Variants in OSBPL9 observed in about 807,000 individuals in gnomAD.
The protein encoded by OSBPL9 is oxysterol binding protein like 9, also known as oxysterol-binding protein-related protein 9.
In OSBPL9, 40 loss-of-function variants were observed where a neutral mutation model predicts 106.6. The observed-to-expected ratio is 0.38, with a 90% CI of 0.29 to 0.49. The LOEUF (loss-of-function observed/expected upper bound fraction) is 0.49. OSBPL9 is among the 20% of genes least tolerant of loss of function. The probability of loss-of-function intolerance (pLI) is 0.97; values close to 1 mark genes in which losing one functional copy is unlikely to be tolerated. For synonymous variants in OSBPL9, 269 were observed against 295.4 expected, an observed-to-expected ratio of 0.91 and a Z score of 0.92; for missense variants, 609 against 887.2, an observed-to-expected ratio of 0.69 and a Z score of 3.98.
At chr1:51,734,753 G>A (rs1665264853) in intron 4 of OSBPL9, among the ~76,000 whole-genome samples, 2 of 152,180 alleles carry the variant, frequency 1.3e-5, no homozygotes, top group South Asian at 2.1e-4. Context: ...CCAGAGCCTA[G>A]ATGACTCTTG....
intron 3 of OSBPL9, among the ~76,000 whole-genome samples, chr1:51,681,165 G>A (rs1652469916): frequency 1.3e-5 from 2 of 152,054 alleles, no homozygotes; most frequent in Admixed American, 1.3e-4. Context: ...TGCTTGGTAG[G>A]TATTAGTGTG....
intron 2 of OSBPL9, among the ~76,000 whole-genome samples, chr1:51,601,690 G>T (rs1645325717): frequency 1.3e-5 from 2 of 152,218 alleles, no homozygotes; most frequent in Non-Finnish European, 2.9e-5. Flanking sequence ...AAGGTTTCAT[G>T]TCAGTAAGCT....
the OSBPL9 span, among the ~76,000 whole-genome samples, chr1:51,566,850 T>C: frequency 6.6e-6 from 1 of 152,170 alleles, no homozygotes; most frequent in African/African-American, 2.4e-5. Context: ...ATGATTTGTC[T>C]GTTGTGTCTG....
chr1:51,685,501 G>A (rs1653582959), intron 3 of OSBPL9, among the ~76,000 whole-genome samples: 1 of 152,026 alleles, frequency 6.6e-6, no homozygotes, highest in Non-Finnish European at 1.5e-5. Context: ...TCCACCTCCA[G>A]GGTTCAAGCG....
the OSBPL9 span, among the ~76,000 whole-genome samples, chr1:51,544,628 T>A: frequency 2.0e-5 from 3 of 151,984 alleles, no homozygotes; most frequent in African/African-American, 7.3e-5. Context: ...GGAAAAAAAT[T>A]ATGTATAAAT....
chr1:51,581,797 G>A (rs1294204878), intron 1 of OSBPL9, among the ~76,000 whole-genome samples: 4 of 152,086 alleles, frequency 2.6e-5, no homozygotes, highest in Admixed American at 2.6e-4. Flanking sequence ...CTGGGCATGT[G>A]CCACCACAAC....
chr1:51,728,790 G>A (rs749227736), intron 4 of OSBPL9, among the ~76,000 whole-genome samples: 1 of 152,132 alleles, frequency 6.6e-6, no homozygotes, highest in Non-Finnish European at 1.5e-5. Context: ...CTCCCAAAGT[G>A]CTGGGATTTC....
At chr1:51,528,546 G>A in the OSBPL9 span, among the ~76,000 whole-genome samples, 99 of 149,542 alleles carry the variant, frequency 6.6e-4, no homozygotes, top group African/African-American at 2.4e-3. Flanking sequence ...TCTGTCTCGG[G>A]GAAAAAAAAA....
the OSBPL9 span, among the ~76,000 whole-genome samples, chr1:51,532,359 A>G: frequency 2.0e-5 from 3 of 152,294 alleles, no homozygotes; most frequent in African/African-American, 7.2e-5. Context: ...GATACAAGCA[A>G]GAGAGGGAAT....
chr1:51,567,170 T>C, the OSBPL9 span: 2 of 152,242 alleles, frequency 1.3e-5, no homozygotes, highest in African/African-American at 4.8e-5. Flanking sequence ...AGGAGAACTC[T>C]TACCTAAGAA....
At chr1:51,720,264 A>G (rs959613168) in intron 4 of OSBPL9, among the ~76,000 whole-genome samples, 2 of 152,106 alleles carry the variant, frequency 1.3e-5, no homozygotes, top group African/African-American at 4.8e-5. Flanking sequence ...TTTAGATTCA[A>G]GTTTGAAGAT....
chr1:51,595,927 A>C (rs1645296970), intron 1 of OSBPL9, among the ~76,000 whole-genome samples: 1 of 152,084 alleles, frequency 6.6e-6, no homozygotes, highest in African/African-American at 2.4e-5. Flanking sequence ...CAGTGCCTTC[A>C]CTACACTTTC....
At chr1:51,736,869 CA>C (rs906777333) in intron 4 of OSBPL9, among the ~76,000 whole-genome samples, 8 of 152,086 alleles carry the variant, frequency 5.3e-5, no homozygotes, top group Non-Finnish European at 1.0e-4. Flanking sequence ...AAAGATACTG[CA>C]AGTAGCCTAA....
chr1:51,582,218 A>G (rs1290108065), intron 1 of OSBPL9, among the ~76,000 whole-genome samples: 1 of 152,200 alleles, frequency 6.6e-6, no homozygotes, highest in Non-Finnish European at 1.5e-5. Context: ...TGATGTATTA[A>G]TTCCAAAGTC....
intron 3 of OSBPL9, among the ~76,000 whole-genome samples, chr1:51,693,389 AAGAG>A (rs899924852): frequency 2.7e-4 from 41 of 151,600 alleles, no homozygotes; most frequent in African/African-American, 2.7e-4. Flanking sequence ...AAAAAAAAAA[AAGAG>A]AGAGAGAGAG....
chr1:51,785,884 G>A lies in OSBPL9; in HGVS notation c.1906G>A (p.Gly636Arg), dbSNP rs1355251468. The A allele has an allele frequency of 6.2e-7, 1 of 1,609,944 alleles. No individual in the cohort carries two copies. Among genetic ancestry groups the A allele is most frequent in the East Asian group, 2.2e-5 (1 of 44,798 alleles). The change falls in exon 21 of 24, where the codon GGG (glycine) becomes AGG (arginine). Residue 636 changes from glycine (G) to arginine (R), a missense_variant and splice_region_variant. Gly to Arg is a moderately radical substitution (Grantham distance 125). Around this residue, in one of 5 missense-constraint regions of OSBPL9, gnomAD observed 132 missense variants for 158.1 expected, o/e 0.83. Transcript: ENST00000428468. ...TGTGATGTATGCAAAATATGCAACA[G>A]GGGTAAGATCCTCTATTTTGCCACT... ...NGVMYAKYAT[G>R]ENTVFVDTKK...
chr1:51,682,433 C>T (rs140985507), intron 3 of OSBPL9, among the ~76,000 whole-genome samples: 7 of 152,130 alleles, frequency 4.6e-5, no homozygotes, highest in Non-Finnish European at 1.0e-4. Flanking sequence ...GATATGGAGT[C>T]ACCCTAATTG....
intron 3 of OSBPL9, among the ~76,000 whole-genome samples, chr1:51,674,783 G>A (rs1406961666): frequency 2.0e-5 from 3 of 152,104 alleles, no homozygotes; most frequent in African/African-American, 7.2e-5. Context: ...GTTGCCCTCA[G>A]TATTGAGTCC....
intron 7 of OSBPL9, 51 bp from the exon 8 acceptor site, chr1:51,750,094 A>G (rs374020232): frequency 1.6e-4 from 201 of 1,287,368 alleles, no homozygotes; most frequent in Middle Eastern, 6.5e-4. Flanking sequence ...TTAACATTAT[A>G]TATCCATTTA....
Sources: gnomAD v4.1 joint callset for allele counts (sites outside exome capture counted in the v4.1 genomes callset) on GRCh38, gnomAD v4.1.1 for gene constraint, gnomAD v4.1.1 regional missense constraint, MANE v1.5 for transcripts, NCBI Gene and HGNC (gene_info 2026-07-23, HGNC 2026-07-21) for gene names.